COL1A1: variants seen among roughly 807,000 people sequenced by gnomAD.
COL1A1 encodes the protein collagen alpha-1(I) chain.
A neutral mutation model predicts 195.7 loss-of-function variants in COL1A1; 21 were observed. That is an observed-to-expected ratio of 0.11 (90% confidence interval 0.08 to 0.15). The LOEUF is 0.15. Among genes scored for constraint, COL1A1 ranks in the 10% least tolerant of loss-of-function variants. The probability of loss-of-function intolerance (pLI) is 1.00; values close to 1 mark genes in which losing one functional copy is unlikely to be tolerated. For synonymous variants in COL1A1, 749 were observed against 747.3 expected, an observed-to-expected ratio of 1.00 and a Z score of -0.04; for missense variants, 1,365 against 2,051.0, an observed-to-expected ratio of 0.67 and a Z score of 6.46.
Position 50,195,525 on chromosome 17 carries a change from G to A in COL1A1, c.1155+42C>T. 1 of 1,614,040 alleles carries A rather than the reference G, an allele frequency of 6.2e-7. No individual in the cohort carries two copies. Among genetic ancestry groups the A allele is most frequent in the South Asian group, 1.1e-5 (1 of 91,084 alleles). On this transcript the variant is annotated intron_variant, in intron 17 of 50. Coordinates refer to ENST00000225964, the MANE Select transcript of COL1A1 (RefSeq NM_000088.4). This position sits in a 1 kb window ranked among gnomAD's most constrained non-coding sequence, Gnocchi z 4.3. Reference sequence around the variant, plus strand: ...GTCAGCAACAGGCAAGGACTCTGAGGTTAGAAAGTGGCAAAGGGGACACTG... The same window carrying A: ...GTCAGCAACAGGCAAGGACTCTGAGATTAGAAAGTGGCAAAGGGGACACTG...
rs1381652384 is a variant in COL1A1 at position 50,196,148 on chromosome 17, C to T, written c.1002+7G>A. The T allele has an allele frequency of 6.2e-7, 1 of 1,613,932 alleles. No homozygotes were observed. Among genetic ancestry groups the T allele is most frequent in the East Asian group, 2.2e-5 (1 of 44,884 alleles). On this transcript the variant is annotated splice_region_variant and intron_variant, in intron 15 of 50. Transcript: ENST00000225964. ...CCCAGGCCCTGAGGCCTACAGGCCA[C>T]ACTCACAGGGGGCCCGGCAGCACCA...
At chr17:50,200,205 T>A in intron 1 of COL1A1, 6 of 466,750 alleles carry the variant, frequency 1.3e-5, no homozygotes, top group East Asian at 4.0e-5. Context: ...GGCTTCCAAC[T>A]CCAACCTCAG....
chr17:50,185,901 G>A lies in COL1A1; in HGVS notation c.4125C>T (p.Ala1375=). The change falls in exon 50 of 51, where the codon GCC becomes GCT. Residue 1375 remains alanine, a synonymous_variant. Transcript: ENST00000225964. ...NITYHCKNSV[A]YMDQQTGNLK... is the part of the protein sequence containing the mutation. ...GGTTGCCAGTCTGCTGGTCCATGTAGGCCACGCTGTTCTTGCAGTGGTAGG... is the reference window on the plus strand; with the variant it reads ...GGTTGCCAGTCTGCTGGTCCATGTAAGCCACGCTGTTCTTGCAGTGGTAGG... 6.2e-7 allele frequency: 1 copy of A among 1,614,166 alleles called. No individual in the cohort carries two copies. The highest frequency in any genetic ancestry group is 8.5e-7 in the Non-Finnish European group (1 of 1,180,028).
Position 50,185,904 on chromosome 17 carries a change from C to T in COL1A1, c.4122G>A (p.Val1374=), listed in dbSNP as rs1598284246. The change falls in exon 50 of 51, where the codon GTG becomes GTA. Residue 1374 remains valine, a synonymous_variant. Coordinates refer to ENST00000225964, the MANE Select transcript of COL1A1 (RefSeq NM_000088.4). ...QNITYHCKNS[V]AYMDQQTGNL... is the part of the protein sequence containing the mutation. ...TGCCAGTCTGCTGGTCCATGTAGGCCACGCTGTTCTTGCAGTGGTAGGTGA... is the reference window on the plus strand; with the variant it reads ...TGCCAGTCTGCTGGTCCATGTAGGCTACGCTGTTCTTGCAGTGGTAGGTGA... The T allele has an allele frequency of 1.9e-6, 3 of 1,614,116 alleles. No homozygotes were observed. Among genetic ancestry groups the T allele is most frequent in the Non-Finnish European group, 2.5e-6 (3 of 1,180,038 alleles).
In COL1A1 at chr17:50,194,895, G is replaced by GCT; in HGVS notation, c.1354-69_1354-68dup. The GCT allele has an allele frequency of 9.2e-6, 14 of 1,522,576 alleles. No individual in the cohort carries two copies. The highest frequency in any genetic ancestry group is 1.3e-5 in the Non-Finnish European group (14 of 1,106,542). 94.3% of individuals were successfully genotyped at this position (1,522,576 alleles called of 1,614,324 possible). On this transcript the variant is annotated intron_variant, in intron 20 of 50. Coordinates refer to ENST00000225964, the MANE Select transcript of COL1A1 (RefSeq NM_000088.4). This position sits in a 1 kb window ranked among gnomAD's most constrained non-coding sequence, Gnocchi z 6.8. ...CCATCCTGTGCCAGCCTCAGAGCCG[G>GCT]CTGAGGCTGGGCCTCCAGTGTCAGG...
Position 50,189,227 on chromosome 17 carries a change from C to T in COL1A1, c.2878G>A (p.Val960Met). 2.5e-6 allele frequency: 4 copies of T among 1,613,914 alleles called. No homozygotes were observed. Among genetic ancestry groups the T allele is most frequent in the Non-Finnish European group, 3.4e-6 (4 of 1,179,958 alleles). ...GPQGIAGQRG[V>M]VGLPGQRGER... Reference sequence around the variant, plus strand: ...CCTCTCTGACCAGGCAGGCCGACCACACCACGCTGTCCAGCAATACCTTGA... The same window carrying T: ...CCTCTCTGACCAGGCAGGCCGACCATACCACGCTGTCCAGCAATACCTTGA... Residue 960 changes from valine to methionine, a missense_variant, in exon 40 of 51, where the codon GTG becomes ATG. This residue lies in a region of COL1A1 where 671 missense variants were observed against 1,099.9 expected (regional missense o/e 0.61). Transcript: ENST00000225964. This position sits in a 1 kb window ranked among gnomAD's most constrained non-coding sequence, Gnocchi z 5.5.
rs1555572582 is a variant in COL1A1, at chr17:50,189,879, G to A, written c.2593C>T (p.Arg865Cys). The A allele has an allele frequency of 7.5e-6, 12 of 1,610,168 alleles. No individual in the cohort carries two copies. The highest frequency in any genetic ancestry group is 1.6e-4 in the Middle Eastern group (1 of 6,074). ...CTCACAGGGGGACCAGCGCTGCCGC[G>A]AGCACCTTTGGCTCCAGGAGCACCA... Reference protein sequence around the residue: ...NVGAPGAKGARGSAGPPGATG... With the variant: ...NVGAPGAKGACGSAGPPGATG... The change falls in exon 37 of 51, where the codon CGC (arginine) becomes TGC (cysteine). Residue 865 changes from arginine to cysteine, a missense_variant. Arg to Cys is a radical substitution (Grantham distance 180). Transcript: ENST00000225964. The surrounding 1 kb of genome is among the most constrained non-coding windows in gnomAD (Gnocchi z 5.5).
At position 50,192,858 on chromosome 17, in the gene COL1A1, G is replaced by A; in HGVS notation, c.1822-8C>T. ...ATCTTTGCCAGCAGGACCCTGCAGGGAGAGAGCAAAGGGGAACTCAGGGTT... is the reference window on the plus strand; with the variant it reads ...ATCTTTGCCAGCAGGACCCTGCAGGAAGAGAGCAAAGGGGAACTCAGGGTT... On this transcript the variant is annotated splice_region_variant and splice_polypyrimidine_tract_variant and intron_variant, in intron 26 of 50. Coordinates refer to ENST00000225964, the MANE Select transcript of COL1A1 (RefSeq NM_000088.4). The A allele has an allele frequency of 6.2e-7, 1 of 1,614,082 alleles. No individual in the cohort carries two copies. The highest frequency in any genetic ancestry group is 8.5e-7 in the Non-Finnish European group (1 of 1,180,020).
At position 50,185,926 on chromosome 17, in the gene COL1A1, G is replaced by C; in HGVS notation, c.4100C>G (p.Thr1367Ser). The change falls in exon 50 of 51, where the codon ACC (threonine) becomes AGC (serine). Residue 1367 changes from threonine to serine, a missense_variant. By Grantham distance (58) the Thr-to-Ser change is moderately conservative. Coordinates refer to ENST00000225964, the MANE Select transcript of COL1A1 (RefSeq NM_000088.4). ...GGCCACGCTGTTCTTGCAGTGGTAG[G>C]TGATGTTCTGGGAGGCCTCGGTGGA... Reference protein sequence around the residue: ...LMSTEASQNITYHCKNSVAYM... With the variant: ...LMSTEASQNISYHCKNSVAYM... The C allele has an allele frequency of 6.2e-7, 1 of 1,614,138 alleles. No individual in the cohort carries two copies.
At chr17:50,198,658 T>C in intron 5 of COL1A1, 154 bp from the exon 6 acceptor site, 1 of 698,110 alleles carries the variant, frequency 1.4e-6, no homozygotes, top group East Asian at 2.7e-5. Context: ...GATGCATCCC[T>C]GCATCTAATC....
chr17:50,196,925 C>A, intron 11 of COL1A1, 85 bp downstream of exon 11: 1 of 1,497,104 alleles, frequency 6.7e-7, no homozygotes, highest in African/African-American at 1.4e-5. Context: ...CATGATGCAA[C>A]TCAGTATCTT....
chr17:50,189,224 C>T lies in COL1A1; in HGVS notation c.2881G>A (p.Val961Ile). 6.2e-7 allele frequency: 1 copy of T among 1,613,800 alleles called. No homozygotes were observed. The highest frequency in any genetic ancestry group is 8.5e-7 in the Non-Finnish European group (1 of 1,179,908). ...PQGIAGQRGV[V>I]GLPGQRGERG... ...TCTCCTCTCTGACCAGGCAGGCCGA[C>T]CACACCACGCTGTCCAGCAATACCT... is the stretch of plus-strand genomic sequence containing the variant. Residue 961 changes from valine (V) to isoleucine (I), a missense_variant, in exon 40 of 51, where the codon GTC (valine) becomes ATC (isoleucine). Physicochemically the swap from Val to Ile is conservative, Grantham distance 29 (BLOSUM62 3). Around this residue, in one of 5 missense-constraint regions of COL1A1, gnomAD observed 671 missense variants for 1,099.9 expected, o/e 0.61. Transcript: ENST00000225964. The surrounding 1 kb of genome is among the most constrained non-coding windows in gnomAD (Gnocchi z 5.5).
rs1231325055 is a variant in COL1A1 at position 50,194,862 on chromosome 17, G to A, written c.1354-34C>T. 1.9e-6 allele frequency: 3 copies of A among 1,565,416 alleles called. No homozygotes were observed. Among genetic ancestry groups the A allele is most frequent in the South Asian group, 2.3e-5 (2 of 88,086 alleles). On this transcript the variant is annotated intron_variant, in intron 20 of 50. Transcript: ENST00000225964. The surrounding 1 kb of genome is among the most constrained non-coding windows in gnomAD (Gnocchi z 6.8). ...GGCCGAGAGGAGGAGGCGGCCTGTGGTGAGGGGCCATCCTGTGCCAGCCTC... is the reference window on the plus strand; with the variant it reads ...GGCCGAGAGGAGGAGGCGGCCTGTGATGAGGGGCCATCCTGTGCCAGCCTC...
At position 50,185,257 on chromosome 17, in the gene COL1A1, CTTTTTTTT is replaced by C; in HGVS notation, c.*237_*244del. The stretch of plus-strand genomic sequence containing the variant: ...TTTTTTAAAAAGTTATTTATTTATT[CTTTTTTTT>C]TTTTTTTTTTTGGTAAGGTTGAATG... On this transcript the variant is annotated 3_prime_UTR_variant, in exon 51 of 51. Transcript: ENST00000225964. 1 of 191,286 alleles carries C rather than the reference CTTTTTTTT, an allele frequency of 5.2e-6. No individual in the cohort carries two copies. The highest frequency in any genetic ancestry group is 2.0e-3 in the Middle Eastern group (1 of 512). 11.8% of individuals were successfully genotyped at this position (191,286 alleles called of 1,614,324 possible). A position where few individuals can be genotyped will look rare whatever the true frequency, so the allele number is the denominator to read the frequency against.
At position 50,191,767 on chromosome 17, in the gene COL1A1, C is replaced by T. The variant is rs756968149; in HGVS notation, c.2127+21G>A. ...CTGGTCCCTGGGCCACTTGCCAGAG[C>T]CCCTTCCACGCTGCCCTCACCTTAG... On this transcript the variant is annotated intron_variant, in intron 31 of 50. Transcript: ENST00000225964. The T allele has an allele frequency of 3.2e-6, 5 of 1,559,256 alleles. No individual in the cohort carries two copies. In the Middle Eastern group the frequency reaches 6.9e-4, roughly 214 times the overall value.
chr17:50,192,514 A>G lies in COL1A1; in HGVS notation c.1944T>C (p.Pro648=), dbSNP rs1301142840. 1 of 1,614,068 alleles carries G rather than the reference A, an allele frequency of 6.2e-7. No individual in the cohort carries two copies. The highest frequency in any genetic ancestry group is 1.7e-5 in the Admixed American group (1 of 60,016). ...TGCCTGCTTCACCTGGAGGACCAGC[A>G]GGACCAGGGAGACCCTGTAGGTGGG... is the stretch of plus-strand genomic sequence containing the variant. ...GSPGFQGLPG[P]AGPPGEAGKP... The change falls in exon 29 of 51, where the codon CCT becomes CCC. Residue 648 remains proline (P), a synonymous_variant. Coordinates refer to ENST00000225964, the MANE Select transcript of COL1A1 (RefSeq NM_000088.4).
chr17:50,189,347 G>C lies in COL1A1; in HGVS notation c.2829+30C>G, dbSNP rs199769922. 6.2e-7 allele frequency: 1 copy of C among 1,613,726 alleles called. No homozygotes were observed. Among genetic ancestry groups the C allele is most frequent in the South Asian group, 1.1e-5 (1 of 91,076 alleles). ...CCCCTCCCCAGCTCTGCACACCTCC[G>C]GAGCTGCAGAGATCTGAGCTGGCAC... On this transcript the variant is annotated intron_variant, in intron 39 of 50. Coordinates refer to ENST00000225964, the MANE Select transcript of COL1A1 (RefSeq NM_000088.4). The surrounding 1 kb of genome is among the most constrained non-coding windows in gnomAD (Gnocchi z 5.5).
chr17:50,195,836 C>T lies in COL1A1; in HGVS notation c.1056+87G>A, dbSNP rs1907533356. On this transcript the variant is annotated intron_variant, in intron 16 of 50. Coordinates refer to ENST00000225964, the MANE Select transcript of COL1A1 (RefSeq NM_000088.4). This position sits in a 1 kb window ranked among gnomAD's most constrained non-coding sequence, Gnocchi z 4.3. ...TAGTGAACGGGCTGCTCTCTTGCCA[C>T]TCTGGGTCCCTTTGGTTTGGGGAAC... is the stretch of plus-strand genomic sequence containing the variant. 1 of 1,501,412 alleles carries T rather than the reference C, an allele frequency of 6.7e-7. No individual in the cohort carries two copies. Among genetic ancestry groups the T allele is most frequent in the Non-Finnish European group, 9.1e-7 (1 of 1,101,362 alleles). The allele number at this position is 1,501,412 out of a possible 1,614,324, so 93.0% of individuals were successfully genotyped here. A position where few individuals can be genotyped will look rare whatever the true frequency, so the allele number is the denominator to read the frequency against.
chr17:50,187,543 G>T lies in COL1A1; in HGVS notation c.3370-6C>A, dbSNP rs1567753744. The T allele has an allele frequency of 6.2e-7, 1 of 1,614,006 alleles. No homozygotes were observed. Among genetic ancestry groups the T allele is most frequent in the Non-Finnish European group, 8.5e-7 (1 of 1,179,984 alleles). On this transcript the variant is annotated splice_region_variant and splice_polypyrimidine_tract_variant and intron_variant, in intron 45 of 50. Transcript: ENST00000225964. ...CCTTGTTCACCAGGAGAGCCCTGAA[G>T]GACAGATAAAAAAGGCAGTTCAGGC... is the stretch of plus-strand genomic sequence containing the variant.
Sources: allele counts gnomAD v4.1 joint callset, GRCh38; gene constraint gnomAD v4.1.1; regional missense constraint gnomAD v4.1.1; non-coding constraint Gnocchi (gnomAD v3.1); transcripts MANE v1.5; gene names NCBI Gene and HGNC (gene_info 2026-07-23, HGNC 2026-07-21).